The following EFNB2 variants were observed in gnomAD, a reference collection of about 807,000 sequenced individuals.
EFNB2 encodes ephrin-B2.
In EFNB2, 5 loss-of-function variants were observed where a neutral mutation model predicts 32.1. The ratio of observed to expected loss-of-function variants is 0.16; its 90% confidence interval spans 0.08 to 0.33. EFNB2 has a LOEUF of 0.33. EFNB2 is among the 10% of genes least tolerant of loss of function. EFNB2 has a pLI of 1.00. For missense variants in EFNB2, 263 were observed against 422.6 expected (o/e 0.62, Z 3.31); for synonymous variants, 168 against 166.5 (o/e 1.01, Z -0.07).
intron 3 of EFNB2, among the ~76,000 whole-genome samples, chr13:106,495,245 G>A (rs1878548866): frequency 6.6e-6 from 1 of 152,212 alleles, no homozygotes; most frequent in Admixed American, 6.5e-5. Context: ...AAGCATTGCA[G>A]ATGACATTTC....
intron 1 of EFNB2, chr13:106,517,897 T>C (rs1261705650): frequency 6.6e-6 from 1 of 152,244 alleles, no homozygotes; most frequent in Admixed American, 6.5e-5. Context: ...TTCAAGTTTT[T>C]CACCAATCTA....
At chr13:106,504,952 G>T (rs1490699324) in intron 2 of EFNB2, among the ~76,000 whole-genome samples, 1 of 152,092 alleles carries the variant, frequency 6.6e-6, no homozygotes, top group Non-Finnish European at 1.5e-5. Context: ...TTGAAAAAAT[G>T]GAATTAAGAG....
intron 1 of EFNB2, among the ~76,000 whole-genome samples, chr13:106,529,110 G>A (rs1879793500): frequency 6.6e-6 from 1 of 152,182 alleles, no homozygotes; most frequent in Non-Finnish European, 1.5e-5. Flanking sequence ...CTCTGTGGCT[G>A]AGGGAGAGGG....
At chr13:106,531,787 CA>C (rs925266382) in intron 1 of EFNB2, among the ~76,000 whole-genome samples, 32 of 152,190 alleles carry the variant, frequency 2.1e-4, no homozygotes, top group African/African-American at 6.7e-4. Flanking sequence ...ATGGGAAAAG[CA>C]AAATGCTATG....
At chr13:106,514,916 C>T (rs926111437) in intron 1 of EFNB2, among the ~76,000 whole-genome samples, 1 of 152,172 alleles carries the variant, frequency 6.6e-6, no homozygotes, top group Non-Finnish European at 1.5e-5. Context: ...GCATTACACC[C>T]CCTCCCAAGC....
At chr13:106,526,436 A>C (rs1489545850) in intron 1 of EFNB2, among the ~76,000 whole-genome samples, 2 of 152,194 alleles carry the variant, frequency 1.3e-5, no homozygotes, top group African/African-American at 4.8e-5. Context: ...TTCTAAGTAC[A>C]TCTAAGTACA....
Position 106,492,869 on chromosome 13 carries a change from A to G in EFNB2, c.*171T>C. On this transcript the variant is annotated 3_prime_UTR_variant, in exon 5 of 5. Transcript: ENST00000646441. The surrounding 1 kb of genome is among the most constrained non-coding windows in gnomAD (Gnocchi z 5.1). ...TGTGTGTTCACCAAGGCCGAATGCT[A>G]CAAGACTAGGTAAGCTGTCCAGCGC... is the stretch of plus-strand genomic sequence containing the variant. The G allele has an allele frequency of 3.6e-6, 3 of 835,078 alleles. No homozygotes were observed. Among genetic ancestry groups the G allele is most frequent in the Non-Finnish European group, 5.4e-6 (3 of 553,310 alleles). 51.7% of individuals were successfully genotyped at this position (835,078 alleles called of 1,614,324 possible). A position where few individuals can be genotyped will look rare whatever the true frequency, so the allele number is the denominator to read the frequency against.
chr13:106,500,437 A>G (rs901058080), intron 2 of EFNB2, among the ~76,000 whole-genome samples: 12 of 152,228 alleles, frequency 7.9e-5, no homozygotes, highest in African/African-American at 2.7e-4. Flanking sequence ...AATACTATTG[A>G]GGGTATTTCA....
At chr13:106,510,965 C>T (rs1879124214) in intron 2 of EFNB2, among the ~76,000 whole-genome samples, 2 of 152,146 alleles carry the variant, frequency 1.3e-5, no homozygotes, top group Admixed American at 6.5e-5. Context: ...CGCCACTGCA[C>T]TCCAGCCTGA....
chr13:106,500,106 A>G (rs1878722953), intron 2 of EFNB2, among the ~76,000 whole-genome samples: 1 of 152,216 alleles, frequency 6.6e-6, no homozygotes, highest in African/African-American at 2.4e-5. Flanking sequence ...ACTGTAAAGC[A>G]GACTGGAAGG....
At chr13:106,521,742 G>T (rs1879527019) in intron 1 of EFNB2, 1 of 149,296 alleles carries the variant, frequency 6.7e-6, no homozygotes, top group South Asian at 2.1e-4. Flanking sequence ...CTCAAAGACA[G>T]TATTCTCATA....
At chr13:106,496,116 A>G (rs542782153) in intron 2 of EFNB2, among the ~76,000 whole-genome samples, 1 of 152,316 alleles carries the variant, frequency 6.6e-6, no homozygotes, top group South Asian at 2.1e-4. Context: ...GACTGATTTA[A>G]TGTTAGTCTA....
intron 2 of EFNB2, among the ~76,000 whole-genome samples, chr13:106,501,699 T>C (rs1017913262): frequency 9.2e-5 from 14 of 151,876 alleles, no homozygotes; most frequent in Non-Finnish European, 1.9e-4. Context: ...TTCACGCCAT[T>C]CTCCTGCCTC....
intron 1 of EFNB2, among the ~76,000 whole-genome samples, chr13:106,515,911 A>T (rs1879297224): frequency 6.6e-6 from 1 of 152,206 alleles, no homozygotes; most frequent in African/African-American, 2.4e-5. Context: ...AGACATTATG[A>T]GTGACAGAAA....
chr13:106,508,131 G>C (rs1879019753), intron 2 of EFNB2, among the ~76,000 whole-genome samples: 1 of 151,978 alleles, frequency 6.6e-6, no homozygotes, highest in South Asian at 2.1e-4. Flanking sequence ...TGTTGCAAAG[G>C]GTCGACACAC....
At chr13:106,533,221 T>C (rs1594181136) in intron 1 of EFNB2, among the ~76,000 whole-genome samples, 1 of 144,906 alleles carries the variant, frequency 6.9e-6, no homozygotes, top group Non-Finnish European at 1.5e-5. Flanking sequence ...GAGTGACCTC[T>C]GGAGGCACCG....
intron 2 of EFNB2, among the ~76,000 whole-genome samples, chr13:106,499,177 A>C (rs1878691345): frequency 6.6e-6 from 1 of 152,104 alleles, no homozygotes. Context: ...TCCCATAGTG[A>C]AAATCACCTT....
chr13:106,503,437 T>C (rs1026091103), intron 2 of EFNB2, among the ~76,000 whole-genome samples: 4 of 152,158 alleles, frequency 2.6e-5, no homozygotes, highest in African/African-American at 9.7e-5. Context: ...ATATGTGTCC[T>C]GAGCTAGGGA....
At chr13:106,527,307 T>C (rs916966508) in intron 1 of EFNB2, among the ~76,000 whole-genome samples, 1 of 151,726 alleles carries the variant, frequency 6.6e-6, no homozygotes, top group Non-Finnish European at 1.5e-5. Flanking sequence ...ATAAAAATAA[T>C]AATATAAATA....
Sources: gnomAD v4.1 joint callset for allele counts (sites outside exome capture counted in the v4.1 genomes callset) on GRCh38, gnomAD v4.1.1 for gene constraint, Gnocchi (gnomAD v3.1) non-coding constraint, MANE v1.5 for transcripts, NCBI Gene and HGNC (gene_info 2026-07-23, HGNC 2026-07-21) for gene names.